Variants in MIS18BP1 observed in about 807,000 individuals in gnomAD.
MIS18BP1 encodes the protein MIS18 binding protein 1.
In MIS18BP1, 72 loss-of-function variants were observed where a neutral mutation model predicts 116.1. The observed-to-expected ratio is 0.62, with a 90% confidence interval of 0.51 to 0.75. The LOEUF (loss-of-function observed/expected upper bound fraction) is 0.75. Ranked by LOEUF, MIS18BP1 falls within the 30% of genes least tolerant of loss-of-function variation. The probability of loss-of-function intolerance (pLI) is 0.00; values close to 1 mark genes in which losing one functional copy is unlikely to be tolerated. For missense variants in MIS18BP1, 1,363 were observed against 1,303.2 expected, an observed-to-expected ratio of 1.05 and a Z score of -0.71; for synonymous variants, 386 against 427.0, an observed-to-expected ratio of 0.90 and a Z score of 1.18.
At chr14:45,251,358 A>G (rs1891869015) in intron 1 of MIS18BP1, among the ~76,000 whole-genome samples, 1 of 152,184 alleles carries the variant, frequency 6.6e-6, no homozygotes, top group East Asian at 1.9e-4. Context: ...ATTACCTGAG[A>G]ATGTATTTCT....
chr14:45,232,344 G>C (rs1283299179), intron 7 of MIS18BP1, among the ~76,000 whole-genome samples: 1 of 148,344 alleles, frequency 6.7e-6, no homozygotes, highest in African/African-American at 2.5e-5. Flanking sequence ...GTGAACCCCA[G>C]AGGCGGAGCT....
At chr14:45,251,081 T>C (rs965258913) in intron 1 of MIS18BP1, among the ~76,000 whole-genome samples, 4 of 151,002 alleles carry the variant, frequency 2.6e-5, no homozygotes, top group South Asian at 2.1e-4. Flanking sequence ...GCATTTATAG[T>C]ACAGTCATGC....
At chr14:45,214,549 G>T (rs1347411567) in intron 13 of MIS18BP1, among the ~76,000 whole-genome samples, 1 of 152,102 alleles carries the variant, frequency 6.6e-6, no homozygotes, top group East Asian at 1.9e-4. Flanking sequence ...GCCTCAGCAG[G>T]GGGCCTTGTA....
chr14:45,223,990 T>A lies in MIS18BP1; in HGVS notation c.2597A>T (p.His866Leu), dbSNP rs1171690340. Residue 866 changes from histidine to leucine, a missense_variant, in exon 11 of 17, where the codon CAT becomes CTT. By Grantham distance (99) the His-to-Leu change is moderately conservative. Coordinates refer to ENST00000310806, the MANE Select transcript of MIS18BP1 (RefSeq NM_018353.5). Reference sequence around the variant, plus strand: ...TAAACCAGGTAAGCATTCTAAGGGATGCCTATTTGTCTTATCAGATCCTAC... The same window carrying A: ...TAAACCAGGTAAGCATTCTAAGGGAAGCCTATTTGTCTTATCAGATCCTAC... ...EAVGSDKTNR[H>L]PLECLPGLIQ... is the part of the protein sequence containing the mutation. 1 of 1,612,340 alleles carries A rather than the reference T, an allele frequency of 6.2e-7. No individual in the cohort carries two copies. The highest frequency in any genetic ancestry group is 1.7e-5 in the Admixed American group (1 of 59,742).
chr14:45,227,926 C>T (rs1891171104), intron 8 of MIS18BP1, 112 bp from the exon 9 acceptor site: 1 of 1,100,400 alleles, frequency 9.1e-7, no homozygotes, highest in African/African-American at 1.6e-5. Context: ...CCTGTAATCC[C>T]AGCACTCTGG....
intron 12 of MIS18BP1, among the ~76,000 whole-genome samples, chr14:45,217,725 C>T (rs771011789): frequency 2.0e-5 from 3 of 151,890 alleles, no homozygotes; most frequent in East Asian, 1.9e-4. Context: ...CATGAGCCAC[C>T]GTGCCTGGCC....
intron 4 of MIS18BP1, among the ~76,000 whole-genome samples, chr14:45,238,363 A>G (rs920082304): frequency 2.8e-4 from 42 of 152,284 alleles, no homozygotes; most frequent in Non-Finnish European, 5.0e-4. Context: ...TTCTGATGAG[A>G]AAAAAAGTCA....
intron 16 of MIS18BP1, 25 bp from the exon 17 acceptor site, chr14:45,204,237 G>A: frequency 6.4e-7 from 1 of 1,568,124 alleles, no homozygotes; most frequent in Non-Finnish European, 8.6e-7. Flanking sequence ...TTAATAAAAA[G>A]ATAATAAATT....
rs1226153541 is a variant in MIS18BP1, at chr14:45,203,938, A to G, written c.*171T>C. 1 of 863,812 alleles carries G rather than the reference A, an allele frequency of 1.2e-6. No homozygotes were observed. Among genetic ancestry groups the G allele is most frequent in the Non-Finnish European group, 1.6e-6 (1 of 625,232 alleles). 53.5% of individuals were successfully genotyped at this position (863,812 alleles called of 1,614,324 possible). A position where few individuals can be genotyped will look rare whatever the true frequency, so the allele number is the denominator to read the frequency against. ...AACAATTTTCTTTACATTTTTAGTAAGCTGCAGCAATGAGGATATTTTACT... is the reference window on the plus strand; with the variant it reads ...AACAATTTTCTTTACATTTTTAGTAGGCTGCAGCAATGAGGATATTTTACT... On this transcript the variant is annotated 3_prime_UTR_variant, in exon 17 of 17. Coordinates refer to ENST00000310806, the MANE Select transcript of MIS18BP1 (RefSeq NM_018353.5).
chr14:45,237,813 T>C, intron 4 of MIS18BP1, 92 bp from the exon 5 acceptor site: 1 of 1,464,290 alleles, frequency 6.8e-7, no homozygotes, highest in Non-Finnish European at 9.0e-7. Flanking sequence ...AAAACTTGTC[T>C]AAGTAATCCA....
Position 45,242,496 on chromosome 14 carries a change from T to G in MIS18BP1, c.681A>C (p.Glu227Asp). ...LTYELPTLNQ[E>D]QENFLAVEAR... ...CTTCTACAGCCAAAAAATTTTCCTG[T>G]TCTTGGTTCAGAGTTGGAAGTTCTG... is the stretch of plus-strand genomic sequence containing the variant. The change falls in exon 4 of 17, where the codon GAA becomes GAC. Residue 227 changes from glutamate to aspartate, a missense_variant. By Grantham distance (45) the Glu-to-Asp change is conservative (BLOSUM62 2). Coordinates refer to ENST00000310806, the MANE Select transcript of MIS18BP1 (RefSeq NM_018353.5). 6.3e-7 allele frequency: 1 copy of G among 1,594,138 alleles called. No homozygotes were observed. The highest frequency in any genetic ancestry group is 8.5e-7 in the Non-Finnish European group (1 of 1,174,180).
intron 2 of MIS18BP1, among the ~76,000 whole-genome samples, 192 bp downstream of exon 2, chr14:45,246,551 C>T (rs1026142977): frequency 2.0e-5 from 3 of 152,166 alleles, no homozygotes. Flanking sequence ...TCCACTTTTC[C>T]TCTTCTACTA....
rs144317902 is a variant in MIS18BP1 at position 45,218,444 on chromosome 14, A to C, written c.2680T>G (p.Ser894Ala). 6.2e-7 allele frequency: 1 copy of C among 1,603,096 alleles called. No individual in the cohort carries two copies. Among genetic ancestry groups the C allele is most frequent in the African/African-American group, 1.4e-5 (1 of 74,064 alleles). ...ELQKLHCAFA[S>A]LPKHKPGFWS... Reference sequence around the variant, plus strand: ...AAACCAGGTTTGTGCTTTGGAAGAGATGCAAAAGCACTATGGAAGATCAAA... The same window carrying C: ...AAACCAGGTTTGTGCTTTGGAAGAGCTGCAAAAGCACTATGGAAGATCAAA... Residue 894 changes from serine to alanine, a missense_variant, in exon 12 of 17, where the codon TCT becomes GCT. Ser to Ala is a moderately conservative substitution (Grantham distance 99). Coordinates refer to ENST00000310806, the MANE Select transcript of MIS18BP1 (RefSeq NM_018353.5).
intron 10 of MIS18BP1, 90 bp downstream of exon 10, chr14:45,226,653 G>A (rs1191192745): frequency 4.4e-5 from 46 of 1,053,624 alleles, no homozygotes; most frequent in Non-Finnish European, 5.7e-5. Flanking sequence ...TTTTACATGA[G>A]GAAATTTACA....
intron 14 of MIS18BP1, chr14:45,206,411 C>T (rs190208663): frequency 8.4e-5 from 31 of 370,754 alleles, no homozygotes; most frequent in Non-Finnish European, 1.3e-4. Flanking sequence ...CTCAGCCTCC[C>T]AAGTAGCTTG....
intron 5 of MIS18BP1, among the ~76,000 whole-genome samples, 172 bp from the exon 6 acceptor site, chr14:45,236,116 T>G (rs374339042): frequency 1.3e-5 from 2 of 152,210 alleles, no homozygotes; most frequent in South Asian, 2.1e-4. Context: ...ATTGTAATCC[T>G]CAGATTATGT....
At chr14:45,241,826 T>G (rs1414765007) in intron 4 of MIS18BP1, 1 of 520,432 alleles carries the variant, frequency 1.9e-6, no homozygotes, top group African/African-American at 1.9e-5. Flanking sequence ...CATGTGGGTC[T>G]TCTTACATTC....
rs1246793510 is a variant in MIS18BP1 at position 45,203,322 on chromosome 14, A to C, written c.*787T>G. 1.3e-5 allele frequency: 2 copies of C among 152,202 alleles called. No homozygotes were observed. Among genetic ancestry groups the C allele is most frequent in the Non-Finnish European group, 2.9e-5 (2 of 68,026 alleles). The allele number at this position is 152,202 out of a possible 1,614,324, so 9.4% of individuals were successfully genotyped here. On this transcript the variant is annotated 3_prime_UTR_variant, in exon 17 of 17. Coordinates refer to ENST00000310806, the MANE Select transcript of MIS18BP1 (RefSeq NM_018353.5). ...AAGCAAAAATAAGTTTATTTCTAAA[A>C]GAAATTTCAGTGAAAGAAAAAGGAT...
chr14:45,242,722 CTT>C, intron 3 of MIS18BP1, 37 bp downstream of exon 3: 2 of 1,545,062 alleles, frequency 1.3e-6, no homozygotes, highest in Non-Finnish European at 1.8e-6. Flanking sequence ...TAACAATATA[CTT>C]AAGTAACAAA....
Sources: gnomAD v4.1 joint callset for allele counts (sites outside exome capture counted in the v4.1 genomes callset) on GRCh38, gnomAD v4.1.1 for gene constraint, MANE v1.5 for transcripts, NCBI Gene and HGNC (gene_info 2026-07-23, HGNC 2026-07-21) for gene names.